MTUS2: variants seen among roughly 807,000 people sequenced by gnomAD.
MTUS2 encodes microtubule associated scaffold protein 2.
Under a neutral mutation model 114.1 loss-of-function variants are expected in MTUS2, and 40 were observed. The ratio of observed to expected loss-of-function variants is 0.35; its 90% confidence interval spans 0.27 to 0.46. MTUS2 has a LOEUF of 0.46. Among genes scored for constraint, MTUS2 ranks in the 20% least tolerant of loss-of-function variants. The pLI is 1.00. For missense variants in MTUS2, 1,679 were observed against 1,705.4 expected (o/e 0.98, Z 0.27); for synonymous variants, 688 against 672.0 (o/e 1.02, Z -0.37).
At chr13:28,944,303 G>A (rs1237036143) in intron 2 of MTUS2, among the ~76,000 whole-genome samples, 2 of 151,992 alleles carry the variant, frequency 1.3e-5, no homozygotes, top group Admixed American at 1.3e-4. Flanking sequence ...CTGATCTATC[G>A]AATACCAGGT....
chr13:28,934,769 C>T (rs1053725702), intron 2 of MTUS2, among the ~76,000 whole-genome samples: 3 of 152,136 alleles, frequency 2.0e-5, no homozygotes, highest in Non-Finnish European at 2.9e-5. Flanking sequence ...GTGATCTGGC[C>T]GCTTCGGCCT....
At chr13:28,948,556 T>G (rs1882650874) in intron 2 of MTUS2, among the ~76,000 whole-genome samples, 1 of 152,198 alleles carries the variant, frequency 6.6e-6, no homozygotes, top group Non-Finnish European at 1.5e-5. Flanking sequence ...AAAATTAGTC[T>G]TCTTGATTTC....
At chr13:28,836,084 A>G (rs1875065049) in intron 1 of MTUS2, among the ~76,000 whole-genome samples, 1 of 152,208 alleles carries the variant, frequency 6.6e-6, no homozygotes, top group Admixed American at 6.5e-5. Context: ...TGTGAGCTGT[A>G]TATGTAATTT....
At chr13:29,078,248 C>T (rs1271377480) in intron 4 of MTUS2, among the ~76,000 whole-genome samples, 2 of 152,092 alleles carry the variant, frequency 1.3e-5, no homozygotes, top group Admixed American at 1.3e-4. Flanking sequence ...AAATTAATTT[C>T]CCTATTAGGA....
rs1879106088 is a variant in MTUS2 at position 28,894,287 on chromosome 13, G to GC, written c.-243+54437_-243+54438insC. ...AGAAGAAGGAGAGTTGGTGGGGGGG[G>GC]GGGAGAGAGAGAGAGAGGGGGGGGG... is the stretch of plus-strand genomic sequence containing the variant. On this transcript the variant is annotated intron_variant, in intron 2 of 15. Transcript: ENST00000612955. Among the ~76,000 whole-genome samples the GC allele has an allele frequency of 1.7e-4, 5 of 29,552 alleles. No homozygotes were observed. The East Asian group carries it at 2.0e-3, about 12-fold the overall frequency. 19.4% of individuals were successfully genotyped at this position (29,552 alleles called of 152,430 possible). A position where few individuals can be genotyped will look rare whatever the true frequency, so the allele number is the denominator to read the frequency against.
intron 5 of MTUS2, among the ~76,000 whole-genome samples, chr13:29,106,935 C>T (rs1890694415): frequency 6.6e-6 from 1 of 152,042 alleles, no homozygotes; most frequent in Admixed American, 6.6e-5. Flanking sequence ...GACATATACT[C>T]CCAACTAGCC....
intron 5 of MTUS2, among the ~76,000 whole-genome samples, chr13:29,106,873 C>A (rs1890691833): frequency 6.6e-6 from 1 of 152,130 alleles, no homozygotes; most frequent in African/African-American, 2.4e-5. Flanking sequence ...ACCTGTCAGA[C>A]TTCCCAGGTC....
intron 4 of MTUS2, among the ~76,000 whole-genome samples, chr13:29,036,141 CAA>C (rs397851632): frequency 3.2e-5 from 1 of 31,660 alleles, no homozygotes; most frequent in Admixed American, 3.3e-4. Context: ...GAGACTGTCT[CAA>C]AAAAAAAAAA....
intron 5 of MTUS2, among the ~76,000 whole-genome samples, chr13:29,260,442 T>C (rs1195936034): frequency 1.3e-5 from 2 of 152,220 alleles, no homozygotes; most frequent in Non-Finnish European, 2.9e-5. Flanking sequence ...CGTTTATGCC[T>C]AGTGTTCCAT....
chr13:28,972,124 G>A (rs1280618605), intron 2 of MTUS2, among the ~76,000 whole-genome samples: 2 of 152,310 alleles, frequency 1.3e-5, no homozygotes, highest in East Asian at 3.9e-4. Flanking sequence ...GAAATATTTT[G>A]CGTAGATCAA....
intron 2 of MTUS2, among the ~76,000 whole-genome samples, chr13:28,921,950 A>C (rs1185383364): frequency 6.6e-6 from 1 of 152,184 alleles, no homozygotes; most frequent in African/African-American, 2.4e-5. Flanking sequence ...TTGGTGTCTC[A>C]GTAGGGCATG....
chr13:29,477,799 T>C (rs959591973), intron 9 of MTUS2, among the ~76,000 whole-genome samples: 1 of 152,164 alleles, frequency 6.6e-6, no homozygotes, highest in African/African-American at 2.4e-5. Context: ...TTGGTCCATT[T>C]TGGGTATCAA....
intron 4 of MTUS2, among the ~76,000 whole-genome samples, chr13:29,064,401 T>G (rs1282510336): frequency 6.7e-6 from 1 of 149,484 alleles, no homozygotes; most frequent in African/African-American, 2.5e-5. Flanking sequence ...TTTTTTTTTT[T>G]TTTTTTTTTT....
chr13:29,125,522 A>G (rs992538126), intron 5 of MTUS2, among the ~76,000 whole-genome samples: 2 of 152,250 alleles, frequency 1.3e-5, no homozygotes, highest in East Asian at 1.9e-4. Context: ...TTTATTGAAT[A>G]ATATGAACAC....
At chr13:29,030,153 T>C (rs1245855262) in intron 3 of MTUS2, among the ~76,000 whole-genome samples, 3 of 152,212 alleles carry the variant, frequency 2.0e-5, no homozygotes, top group Non-Finnish European at 4.4e-5. Context: ...ATAGTTTATA[T>C]ATTACATGCA....
chr13:28,822,542 C>A (rs1204501952), intron 1 of MTUS2, among the ~76,000 whole-genome samples: 1 of 152,120 alleles, frequency 6.6e-6, no homozygotes, highest in Admixed American at 6.5e-5. Context: ...CTCTCTAGTC[C>A]TTTCTATCTC....
At chr13:29,039,092 G>T (rs1887220715) in intron 4 of MTUS2, among the ~76,000 whole-genome samples, 1 of 152,238 alleles carries the variant, frequency 6.6e-6, no homozygotes, top group South Asian at 2.1e-4. Context: ...CTTGGGGAGG[G>T]GCCAGGTGCG....
chr13:29,407,489 T>TATTC (rs1566184158), intron 8 of MTUS2, among the ~76,000 whole-genome samples: 1 of 142,876 alleles, frequency 7.0e-6, no homozygotes, highest in Non-Finnish European at 1.5e-5. Flanking sequence ...TTTATTTATT[T>TATTC]ATTTTGAGAT....
intron 5 of MTUS2, among the ~76,000 whole-genome samples, chr13:29,238,169 A>G (rs1896605476): frequency 6.6e-6 from 1 of 152,262 alleles, no homozygotes; most frequent in African/African-American, 2.4e-5. Flanking sequence ...CCTAATGTCC[A>G]TTGACAGATA....
Sources: gnomAD v4.1 joint callset for allele counts (sites outside exome capture counted in the v4.1 genomes callset) on GRCh38, gnomAD v4.1.1 for gene constraint, MANE v1.5 for transcripts, NCBI Gene and HGNC (gene_info 2026-07-23, HGNC 2026-07-21) for gene names.